The following TNIK variants were observed in gnomAD, a reference collection of about 807,000 sequenced individuals.
The protein encoded by TNIK is TRAF2 and NCK interacting kinase.
TNIK carries 49 observed loss-of-function variants against 191.3 expected under a neutral mutation model. The observed-to-expected ratio is 0.26, with a 90% CI of 0.20 to 0.32. The LOEUF (loss-of-function observed/expected upper bound fraction) is 0.32, where lower values mean the gene tolerates loss of function less well. Among genes scored for constraint, TNIK ranks in the 10% least tolerant of loss-of-function variants. TNIK has a pLI of 1.00. For synonymous variants in TNIK, 594 were observed against 600.9 expected, an observed-to-expected ratio of 0.99 and a Z score of 0.17; for missense variants, 1,155 against 1,702.3, an observed-to-expected ratio of 0.68 and a Z score of 5.66.
At chr3:171,120,323 CT>C (rs397691045) in intron 18 of TNIK, among the ~76,000 whole-genome samples, 203 of 136,324 alleles carry the variant, frequency 1.5e-3, no homozygotes, top group Non-Finnish European at 1.5e-3. Context: ...TTTTTTCTTT[CT>C]TTTTTTTTTT....
At chr3:171,085,053 C>A in intron 25 of TNIK, 65 bp downstream of exon 25, 2 of 1,321,822 alleles carry the variant, frequency 1.5e-6, no homozygotes, top group Non-Finnish European at 2.1e-6. Context: ...GATTAATTTC[C>A]TTATCAGGTC....
chr3:171,073,648 T>C (rs1224196198), intron 28 of TNIK, among the ~76,000 whole-genome samples: 3 of 151,830 alleles, frequency 2.0e-5, no homozygotes, highest in Non-Finnish European at 4.4e-5. Context: ...CTACAAGGAA[T>C]GCAAACAATT....
chr3:171,171,482 C>G (rs1326980608), intron 9 of TNIK, among the ~76,000 whole-genome samples: 1 of 152,224 alleles, frequency 6.6e-6, no homozygotes, highest in East Asian at 1.9e-4. Context: ...CTCACTGGGC[C>G]TGCACACCTG....
At chr3:171,244,918 A>G (rs1218791320) in intron 2 of TNIK, among the ~76,000 whole-genome samples, 1 of 151,942 alleles carries the variant, frequency 6.6e-6, no homozygotes, top group East Asian at 1.9e-4. Context: ...AAATTACTAC[A>G]AGATTATGAA....
At chr3:171,170,563 T>G (rs1735138360) in intron 9 of TNIK, among the ~76,000 whole-genome samples, 1 of 152,246 alleles carries the variant, frequency 6.6e-6, no homozygotes, top group Non-Finnish European at 1.5e-5. Context: ...ATATTATTAG[T>G]ACTTATCTCA....
At chr3:171,417,762 C>A (rs992489719) in intron 1 of TNIK, among the ~76,000 whole-genome samples, 5 of 152,152 alleles carry the variant, frequency 3.3e-5, no homozygotes, top group Non-Finnish European at 7.3e-5. Flanking sequence ...CCAAGCCCAC[C>A]ACCTCACTGG....
chr3:171,344,622 G>A (rs1386072456), intron 2 of TNIK, among the ~76,000 whole-genome samples: 1 of 152,098 alleles, frequency 6.6e-6, no homozygotes, highest in Non-Finnish European at 1.5e-5. Flanking sequence ...GACAGGCTAA[G>A]TTCTATAAAC....
chr3:171,284,304 G>C (rs761762581), intron 2 of TNIK, among the ~76,000 whole-genome samples: 1 of 152,138 alleles, frequency 6.6e-6, no homozygotes, highest in Admixed American at 6.6e-5. Flanking sequence ...AACACACTCC[G>C]TTCATAGTAG....
intron 2 of TNIK, among the ~76,000 whole-genome samples, chr3:171,265,478 C>G (rs1748268289): frequency 2.0e-5 from 3 of 152,182 alleles, no homozygotes; most frequent in Admixed American, 2.0e-4. Context: ...CAGGTAGTTA[C>G]ATGAACTGAG....
At chr3:171,313,087 G>A (rs1291100953) in intron 2 of TNIK, among the ~76,000 whole-genome samples, 1 of 151,960 alleles carries the variant, frequency 6.6e-6, no homozygotes, top group Non-Finnish European at 1.5e-5. Flanking sequence ...AACGAAGGAA[G>A]AATGCAAATG....
At chr3:171,177,472 G>A in intron 7 of TNIK, 92 bp from the exon 8 acceptor site, 1 of 1,443,076 alleles carries the variant, frequency 6.9e-7, no homozygotes, top group Admixed American at 2.2e-5. Flanking sequence ...TCCTGTGAAA[G>A]TCATTCAGTT....
At chr3:171,164,899 T>A (rs1734422540) in intron 10 of TNIK, among the ~76,000 whole-genome samples, 1 of 152,194 alleles carries the variant, frequency 6.6e-6, no homozygotes, top group African/African-American at 2.4e-5. Context: ...TCTTATTAAC[T>A]GCAGATGAGC....
intron 1 of TNIK, among the ~76,000 whole-genome samples, chr3:171,377,004 C>T (rs999070487): frequency 2.6e-5 from 4 of 152,168 alleles, no homozygotes; most frequent in Admixed American, 6.5e-5. Context: ...GCCCTTTGGC[C>T]TGCATTTTTA....
chr3:171,267,910 A>G (rs1229972879), intron 2 of TNIK, among the ~76,000 whole-genome samples: 1 of 152,134 alleles, frequency 6.6e-6, no homozygotes, highest in Non-Finnish European at 1.5e-5. Context: ...AATATTCAAG[A>G]AAGACCTCAT....
rs753850320 is a variant in TNIK, at chr3:171,228,168, T to C, written c.177A>G (p.Thr59=). The change falls in exon 3 of 33, where the codon ACA becomes ACG. Residue 59 remains threonine (T), a synonymous_variant. Transcript: ENST00000436636. ...ATGGCAAAATAAAGACACTTACCCCTGTGACATCCATAACCTTGATGGCTG... is the reference window on the plus strand; with the variant it reads ...ATGGCAAAATAAAGACACTTACCCCCGTGACATCCATAACCTTGATGGCTG... The part of the protein sequence containing the change: ...QLAAIKVMDV[T]GDEEEEIKQE... 6.2e-7 allele frequency: 1 copy of C among 1,613,472 alleles called. No individual in the cohort carries two copies. Among genetic ancestry groups the C allele is most frequent in the African/African-American group, 1.3e-5 (1 of 74,902 alleles).
intron 2 of TNIK, among the ~76,000 whole-genome samples, chr3:171,259,098 A>AAG (rs1167546459): frequency 9.3e-5 from 14 of 149,772 alleles, no homozygotes; most frequent in Non-Finnish European, 1.5e-4. Flanking sequence ...TGTTTTATAT[A>AAG]AGAGAGAGAG....
chr3:171,315,395 T>C (rs1754492735), intron 2 of TNIK, among the ~76,000 whole-genome samples: 1 of 152,090 alleles, frequency 6.6e-6, no homozygotes, highest in Non-Finnish European at 1.5e-5. Flanking sequence ...GCAAACACAA[T>C]ACTCTATTCA....
At chr3:171,148,309 G>A (rs561197443) in intron 12 of TNIK, among the ~76,000 whole-genome samples, 2 of 152,304 alleles carry the variant, frequency 1.3e-5, no homozygotes, top group South Asian at 2.1e-4. Flanking sequence ...TTCACGAAGC[G>A]GTGCAGAAGA....
Position 171,441,339 on chromosome 3 carries a change from C to T in TNIK, c.57+18668G>A, listed in dbSNP as rs80210886. On this transcript the variant is annotated intron_variant, in intron 1 of 32. Coordinates refer to ENST00000436636, the MANE Select transcript of TNIK (RefSeq NM_015028.4). ...TGTTTTCCTCTCCACCCTAGCCAACCAGTAATCTACTTTCTACCTCCGTAG... is the reference window on the plus strand; with the variant it reads ...TGTTTTCCTCTCCACCCTAGCCAACTAGTAATCTACTTTCTACCTCCGTAG... Among the ~76,000 whole-genome samples the T allele has an allele frequency of 4.1e-4, 63 of 152,322 alleles. 2 individuals carry two copies. The East Asian group carries it at 0.01, about 24-fold the overall frequency.
Sources: allele counts gnomAD v4.1 joint callset (sites outside exome capture counted in the v4.1 genomes callset), GRCh38; gene constraint gnomAD v4.1.1; transcripts MANE v1.5; gene names NCBI Gene and HGNC (gene_info 2026-07-23, HGNC 2026-07-21).